The following PRKN variants were observed in gnomAD, a reference collection of about 807,000 sequenced individuals.
PRKN encodes the protein parkin RBR E3 ubiquitin protein ligase.
PRKN carries 56 observed loss-of-function variants against 59.5 expected under a neutral mutation model. The ratio of observed to expected loss-of-function variants is 0.94; its 90% CI spans 0.76 to 1.18. The LOEUF (loss-of-function observed/expected upper bound fraction) is 1.18. Ranked by LOEUF, PRKN falls within the 50% of genes most tolerant of loss-of-function variation. The probability of loss-of-function intolerance (pLI) is 0.00; values close to 1 mark genes in which losing one functional copy is unlikely to be tolerated. For synonymous variants in PRKN, 250 were observed against 222.1 expected (o/e 1.13, Z -1.12); for missense variants, 657 against 596.4 (o/e 1.10, Z -1.06).
intron 2 of PRKN, among the ~76,000 whole-genome samples, chr6:162,356,882 T>C (rs1784892434): frequency 6.6e-6 from 1 of 151,814 alleles, no homozygotes; most frequent in Non-Finnish European, 1.5e-5. Context: ...GAAATAATCA[T>C]CTTTTCAAAA....
intron 1 of PRKN, among the ~76,000 whole-genome samples, chr6:162,686,452 G>T (rs886120676): frequency 6.6e-6 from 1 of 152,126 alleles, no homozygotes; most frequent in African/African-American, 2.4e-5. Context: ...TGGGGTGGGG[G>T]TTTGTTTTGC....
At chr6:161,825,909 C>T (rs1792224772) in intron 6 of PRKN, among the ~76,000 whole-genome samples, 1 of 152,152 alleles carries the variant, frequency 6.6e-6, no homozygotes, top group African/African-American at 2.4e-5. Flanking sequence ...CTCTTTAGGG[C>T]CCCTGAAGCT....
Position 161,530,237 on chromosome 6 carries a change from A to G in PRKN, c.1083+18617T>C, listed in dbSNP as rs1022615855. ...GGATTGTCTGGAGGTCATAGTCCAA[A>G]GGAAGGGTTGTAAATTTAGACATTT... On this transcript the variant is annotated intron_variant, in intron 9 of 11. Transcript: ENST00000366898. The surrounding 1 kb of genome is among the most constrained non-coding windows in gnomAD (Gnocchi z 5.0). Among the ~76,000 whole-genome samples, 1 of 152,210 alleles carries G rather than the reference A, an allele frequency of 6.6e-6. No individual in the cohort carries two copies. Among genetic ancestry groups the G allele is most frequent in the Non-Finnish European group, 1.5e-5 (1 of 68,036 alleles).
At chr6:162,248,819 TGAA>T (rs1366614710) in intron 3 of PRKN, among the ~76,000 whole-genome samples, 1 of 152,190 alleles carries the variant, frequency 6.6e-6, no homozygotes, top group African/African-American at 2.4e-5. Flanking sequence ...TATGGATATA[TGAA>T]GTTCTCTTTC....
chr6:162,158,269 A>G (rs2128315741), intron 4 of PRKN, among the ~76,000 whole-genome samples: 1 of 152,110 alleles, frequency 6.6e-6, no homozygotes, highest in South Asian at 2.1e-4. Context: ...CTTTCTCCTC[A>G]GGAAATGTTA....
At chr6:161,962,712 T>C (rs990885572) in intron 6 of PRKN, among the ~76,000 whole-genome samples, 1 of 151,976 alleles carries the variant, frequency 6.6e-6, no homozygotes, top group African/African-American at 2.4e-5. Context: ...AATTTTTGTA[T>C]TTTTAGTAGA....
chr6:162,601,422 C>T (rs138948729), intron 1 of PRKN, among the ~76,000 whole-genome samples: 64 of 151,844 alleles, frequency 4.2e-4, no homozygotes, highest in East Asian at 1.6e-3. Flanking sequence ...TCTCTTACTC[C>T]GCATGATGAT....
rs1779893260 is a variant in PRKN at position 161,548,944 on chromosome 6, T to C, written c.993A>G (p.Leu331=). Residue 331 remains leucine (L), a synonymous_variant, in exon 9 of 12, where the codon TTA becomes TTG. Transcript: ENST00000366898. This position sits in a 1 kb window ranked among gnomAD's most constrained non-coding sequence, Gnocchi z 4.2. ...CCGCTCCACAGCCAGGGCGGGGGCA[T>C]AACACGCCCCCCATCTGCAGGACAC... ...EECVLQMGGV[L]CPRPGCGAGL... 3.7e-6 allele frequency: 6 copies of C among 1,614,036 alleles called. No individual in the cohort carries two copies. Among genetic ancestry groups the C allele is most frequent in the Non-Finnish European group, 5.1e-6 (6 of 1,179,956 alleles).
Position 162,111,321 on chromosome 6 carries a change from C to T in PRKN, c.535-57147G>A, listed in dbSNP as rs141791802. On this transcript the variant is annotated intron_variant, in intron 4 of 11. Transcript: ENST00000366898. ...TCTACTAAAAATACAAAAAATTACC[C>T]GAGTGTTGTGGCATGCATCTGTAGT... is the stretch of plus-strand genomic sequence containing the variant. Among the ~76,000 whole-genome samples, 727 of 152,126 alleles carry T rather than the reference C, an allele frequency of 4.8e-3. 5 individuals are homozygous for T. Among genetic ancestry groups the T allele is most frequent in the African/African-American group, 0.016 (679 of 41,484 alleles).
intron 4 of PRKN, among the ~76,000 whole-genome samples, chr6:162,178,573 TAA>T (rs1435985165): frequency 2.0e-5 from 3 of 152,188 alleles, no homozygotes; most frequent in Non-Finnish European, 2.9e-5. Flanking sequence ...GCTATTTGTT[TAA>T]AGACTATTTT....
chr6:162,301,377 C>T (rs1781945059), intron 2 of PRKN, among the ~76,000 whole-genome samples: 1 of 152,102 alleles, frequency 6.6e-6, no homozygotes, highest in Admixed American at 6.5e-5. Flanking sequence ...GCTCTTGCCT[C>T]CTAAATATAT....
chr6:161,434,571 G>A (rs540525680), intron 9 of PRKN, among the ~76,000 whole-genome samples: 54 of 152,254 alleles, frequency 3.5e-4, no homozygotes, highest in Non-Finnish European at 6.5e-4. Context: ...AATGCAGACC[G>A]TTTGAGAATC....
At chr6:162,714,193 T>C (rs11967632) in intron 1 of PRKN, among the ~76,000 whole-genome samples, 37,619 of 152,076 alleles carry the variant, frequency 0.25, 5,454 homozygotes, top group African/African-American at 0.38. Flanking sequence ...TTGCTTACCG[T>C]AAACAGACGC....
At chr6:161,946,414 A>ACACACACACTCTCTCTCTCTCTCTCT (rs1247187053) in intron 6 of PRKN, among the ~76,000 whole-genome samples, 2 of 114,448 alleles carry the variant, frequency 1.7e-5, no homozygotes, top group African/African-American at 7.4e-5. Flanking sequence ...ACACACACAC[A>ACACACACACTCTCTCTCTCTCTCTCT]CTCTCTCTCT....
Position 161,401,816 on chromosome 6 carries a change from C to T in PRKN, c.1084-14939G>A, listed in dbSNP as rs775853779. On this transcript the variant is annotated intron_variant, in intron 9 of 11. Transcript: ENST00000366898. The surrounding 1 kb of genome is among the most constrained non-coding windows in gnomAD (Gnocchi z 4.4). ...GATCTCAGATGTTTCTGGCCCAGAACCTCTGCCCTAAATGATTATTCATGA... is the reference window on the plus strand; with the variant it reads ...GATCTCAGATGTTTCTGGCCCAGAATCTCTGCCCTAAATGATTATTCATGA... Among the ~76,000 whole-genome samples the T allele has an allele frequency of 3.3e-5, 5 of 152,150 alleles. No homozygotes were observed. The highest frequency in any genetic ancestry group is 7.3e-5 in the Non-Finnish European group (5 of 68,046).
At chr6:162,273,021 GA>G (rs1448668925) in intron 2 of PRKN, among the ~76,000 whole-genome samples, 3 of 137,436 alleles carry the variant, frequency 2.2e-5, no homozygotes, top group African/African-American at 5.3e-5. Flanking sequence ...AAAAAAAAAG[GA>G]AAAAAAATTT....
intron 2 of PRKN, among the ~76,000 whole-genome samples, chr6:162,277,742 C>T (rs1780699375): frequency 6.6e-6 from 1 of 152,112 alleles, no homozygotes; most frequent in African/African-American, 2.4e-5. Context: ...CCACTACACA[C>T]CAATTAGAAT....
chr6:161,425,322 G>A (rs559608160), intron 9 of PRKN, among the ~76,000 whole-genome samples: 2 of 152,272 alleles, frequency 1.3e-5, no homozygotes, highest in Admixed American at 1.3e-4. Flanking sequence ...TACTCACAGC[G>A]TTGCCTTACA....
chr6:162,383,104 G>A (rs1173310371), intron 2 of PRKN, among the ~76,000 whole-genome samples: 2 of 152,072 alleles, frequency 1.3e-5, no homozygotes, highest in African/African-American at 4.8e-5. Flanking sequence ...TCATCCATGA[G>A]GACTGGAATC....
Sources: allele counts gnomAD v4.1 joint callset (sites outside exome capture counted in the v4.1 genomes callset), GRCh38; gene constraint gnomAD v4.1.1; non-coding constraint Gnocchi (gnomAD v3.1); transcripts MANE v1.5; gene names NCBI Gene and HGNC (gene_info 2026-07-23, HGNC 2026-07-21).